Variants in UST observed in about 807,000 individuals in gnomAD.
UST encodes uronyl 2-sulfotransferase.
In UST, 21 loss-of-function variants were observed where a neutral mutation model predicts 45.6. That is an observed-to-expected ratio of 0.46 (90% CI 0.33 to 0.66). The LOEUF is 0.66. Among genes scored for constraint, UST ranks in the 30% least tolerant of loss-of-function variants. UST has a pLI of 0.02. For missense variants in UST, 463 were observed against 512.4 expected (o/e 0.90, Z 0.93); for synonymous variants, 215 against 200.6 (o/e 1.07, Z -0.61).
At chr6:148,970,901 T>A (rs1443428228) in intron 5 of UST, among the ~76,000 whole-genome samples, 1 of 152,250 alleles carries the variant, frequency 6.6e-6, no homozygotes, top group Non-Finnish European at 1.5e-5. Context: ...CTCACCCCGA[T>A]AATCCGGCAT....
chr6:148,928,703 C>T (rs1779866711), intron 2 of UST, among the ~76,000 whole-genome samples: 1 of 152,142 alleles, frequency 6.6e-6, no homozygotes, highest in African/African-American at 2.4e-5. Context: ...AAAATTAATT[C>T]AATTATGAAA....
chr6:148,952,532 A>G (rs1339099117), intron 3 of UST, among the ~76,000 whole-genome samples: 1 of 152,236 alleles, frequency 6.6e-6, no homozygotes, highest in African/African-American at 2.4e-5. Context: ...AATAATCTAT[A>G]AAGCGTGTAC....
At chr6:148,986,867 T>C (rs1781247759) in intron 5 of UST, among the ~76,000 whole-genome samples, 2 of 152,382 alleles carry the variant, frequency 1.3e-5, no homozygotes, top group Middle Eastern at 3.4e-3. Flanking sequence ...GTGCAATCAC[T>C]TTATGCTCCC....
chr6:148,963,078 A>G (rs1003288534), intron 4 of UST, among the ~76,000 whole-genome samples: 2 of 152,180 alleles, frequency 1.3e-5, no homozygotes, highest in African/African-American at 4.8e-5. Context: ...AGAGGCACAC[A>G]TTTCCACACA....
intron 5 of UST, among the ~76,000 whole-genome samples, chr6:148,968,767 T>A (rs1035993752): frequency 1.3e-5 from 2 of 152,236 alleles, no homozygotes; most frequent in African/African-American, 4.8e-5. Context: ...TTCACCCTGC[T>A]GGTTACACAT....
chr6:148,888,905 A>T (rs891005140), intron 2 of UST, among the ~76,000 whole-genome samples: 1 of 152,174 alleles, frequency 6.6e-6, no homozygotes, highest in African/African-American at 2.4e-5. Flanking sequence ...ACCGTGTCTA[A>T]CTCGTCTCAG....
intron 7 of UST, among the ~76,000 whole-genome samples, chr6:149,058,345 ATGTGTGTG>A (rs56994081): frequency 0.015 from 1,789 of 119,718 alleles, 24 homozygotes; most frequent in African/African-American, 0.034. Context: ...AAGGAGGAGC[ATGTGTGTG>A]TGTGTGTGTG....
intron 2 of UST, among the ~76,000 whole-genome samples, chr6:148,911,405 C>G (rs369246269): frequency 6.6e-6 from 1 of 152,212 alleles, no homozygotes; most frequent in Non-Finnish European, 1.5e-5. Context: ...TAGACCTTTT[C>G]CTAGGGACCC....
chr6:148,922,715 C>T (rs1779736223), intron 2 of UST, among the ~76,000 whole-genome samples: 1 of 151,534 alleles, frequency 6.6e-6, no homozygotes, highest in Non-Finnish European at 1.5e-5. Context: ...CCTCGTGATC[C>T]GCCCGCCTCG....
intron 1 of UST, among the ~76,000 whole-genome samples, chr6:148,837,991 C>T (rs918554962): frequency 1.3e-5 from 2 of 152,220 alleles, no homozygotes; most frequent in African/African-American, 4.8e-5. Flanking sequence ...CAAGTTCCCT[C>T]TTCTTATGGA....
At chr6:149,028,712 A>T (rs1019493567) in intron 7 of UST, among the ~76,000 whole-genome samples, 6 of 152,230 alleles carry the variant, frequency 3.9e-5, no homozygotes, top group Admixed American at 3.9e-4. Flanking sequence ...GGGCTGGAAG[A>T]CACACATAAT....
chr6:149,073,394 A>G (rs1776844901), intron 7 of UST, among the ~76,000 whole-genome samples: 1 of 152,268 alleles, frequency 6.6e-6, no homozygotes, highest in Non-Finnish European at 1.5e-5. Context: ...TTTGTATCAA[A>G]TTAAACTTTA....
chr6:148,837,158 C>T (rs1225131303), intron 1 of UST, among the ~76,000 whole-genome samples: 2 of 152,058 alleles, frequency 1.3e-5, no homozygotes, highest in Admixed American at 6.6e-5. Context: ...ACATAATACC[C>T]CTTTAGTTAT....
chr6:149,042,957 T>C (rs766749348), intron 7 of UST, among the ~76,000 whole-genome samples: 91 of 35,616 alleles, frequency 2.6e-3, no homozygotes, highest in Admixed American at 4.8e-3. Context: ...CACCATCCTT[T>C]TCTTTCTTTC....
At chr6:148,887,118 A>C (rs1207601706) in intron 2 of UST, 89 bp downstream of exon 2, 3 of 984,716 alleles carry the variant, frequency 3.0e-6, no homozygotes, top group Admixed American at 2.2e-5. Flanking sequence ...CCTGGACACG[A>C]ATCATTCACA....
intron 1 of UST, among the ~76,000 whole-genome samples, chr6:148,759,887 T>C (rs1419612748): frequency 1.3e-5 from 2 of 151,358 alleles, no homozygotes; most frequent in Non-Finnish European, 2.9e-5. Context: ...TGAGGTAATT[T>C]TTCTGTGCAC....
chr6:149,023,251 A>C (rs1188056096), intron 7 of UST, among the ~76,000 whole-genome samples: 1 of 152,040 alleles, frequency 6.6e-6, no homozygotes, highest in Non-Finnish European at 1.5e-5. Context: ...TCCATAAAAG[A>C]TATTATGGCT....
intron 7 of UST, among the ~76,000 whole-genome samples, chr6:149,067,355 A>C (rs1373530605): frequency 1.3e-5 from 2 of 152,182 alleles, no homozygotes; most frequent in African/African-American, 4.8e-5. Context: ...TTCATCCAGG[A>C]TGTACTGGTC....
At chr6:149,042,993 TTC>T (rs1326565957) in intron 7 of UST, among the ~76,000 whole-genome samples, 2 of 117,702 alleles carry the variant, frequency 1.7e-5, no homozygotes, top group African/African-American at 7.9e-5. Flanking sequence ...CTTTCTTTCT[TTC>T]TTTCTTTCTT....
Sources: gnomAD v4.1 joint callset for allele counts (sites outside exome capture counted in the v4.1 genomes callset) on GRCh38, gnomAD v4.1.1 for gene constraint, MANE v1.5 for transcripts, NCBI Gene and HGNC (gene_info 2026-07-23, HGNC 2026-07-21) for gene names.